Variants in MCTP1 observed in about 807,000 individuals in gnomAD.
The protein encoded by MCTP1 is multiple C2 and transmembrane domain containing 1, also known as multiple C2 and transmembrane domain-containing protein 1.
A neutral mutation model predicts 120.6 loss-of-function variants in MCTP1; 69 were observed. That is an observed-to-expected ratio of 0.57 (90% CI 0.47 to 0.70). The LOEUF is 0.70. Ranked by LOEUF, MCTP1 falls within the 30% of genes least tolerant of loss-of-function variation. The probability of loss-of-function intolerance (pLI) is 0.00; values close to 1 mark genes in which losing one functional copy is unlikely to be tolerated. For synonymous variants in MCTP1, 529 were observed against 493.1 expected (o/e 1.07, Z -0.96); for missense variants, 1,203 against 1,248.8 (o/e 0.96, Z 0.55).
intron 1 of MCTP1, among the ~76,000 whole-genome samples, chr5:95,180,092 A>C (rs1455955846): frequency 6.6e-6 from 1 of 152,244 alleles, no homozygotes; most frequent in Non-Finnish European, 1.5e-5. Context: ...CAACAGGAAA[A>C]TATCACAATC....
intron 1 of MCTP1, among the ~76,000 whole-genome samples, chr5:95,115,031 G>A (rs973158798): frequency 6.6e-6 from 1 of 152,158 alleles, no homozygotes; most frequent in Non-Finnish European, 1.5e-5. Flanking sequence ...CATCAAGGAG[G>A]TACTTCTACA....
At chr5:94,910,678 AC>A (rs1349944792) in intron 9 of MCTP1, among the ~76,000 whole-genome samples, 1 of 152,046 alleles carries the variant, frequency 6.6e-6, no homozygotes, top group African/African-American at 2.4e-5. Flanking sequence ...AAAGAGCAGA[AC>A]TATAAAAATA....
intron 8 of MCTP1, 51 bp downstream of exon 8, chr5:94,917,845 C>T (rs775138799): frequency 6.8e-7 from 1 of 1,468,388 alleles, no homozygotes; most frequent in Non-Finnish European, 9.5e-7. Flanking sequence ...TCAGAAATCC[C>T]AGCTCATGCA....
intron 1 of MCTP1, among the ~76,000 whole-genome samples, chr5:95,121,277 CAAAAAAAA>C (rs34423597): frequency 5.4e-4 from 19 of 35,064 alleles, no homozygotes; most frequent in African/African-American, 2.4e-3. Flanking sequence ...GACTCCATCA[CAAAAAAAA>C]AAAAAAAAAA....
At chr5:95,180,571 T>C (rs762303493) in intron 1 of MCTP1, among the ~76,000 whole-genome samples, 1 of 152,186 alleles carries the variant, frequency 6.6e-6, no homozygotes, top group Admixed American at 6.5e-5. Context: ...AAACTTTCCC[T>C]GTCTATCTCA....
intron 1 of MCTP1, among the ~76,000 whole-genome samples, chr5:95,101,018 C>G (rs1283954271): frequency 6.6e-6 from 1 of 152,000 alleles, no homozygotes. Context: ...CGTTTTATGC[C>G]AGTGACAATG....
intron 1 of MCTP1, among the ~76,000 whole-genome samples, chr5:95,178,428 G>A (rs1562212606): frequency 6.6e-6 from 1 of 152,168 alleles, no homozygotes; most frequent in African/African-American, 2.4e-5. Flanking sequence ...TGTGTTCCTG[G>A]CTGAAGGCCA....
chr5:95,066,343 A>C (rs185604999), intron 1 of MCTP1, among the ~76,000 whole-genome samples: 132 of 152,344 alleles, frequency 8.7e-4, no homozygotes, highest in Non-Finnish European at 1.1e-3. Context: ...AAAAGACAAG[A>C]GATAACTAGT....
At chr5:95,110,585 G>A (rs1426095) in intron 1 of MCTP1, among the ~76,000 whole-genome samples, 38,147 of 151,868 alleles carry the variant, frequency 0.25, 5,273 homozygotes, top group African/African-American at 0.35. Flanking sequence ...TTTTTTATAC[G>A]CATTGCAAAA....
chr5:94,746,657 T>G (rs956351546), intron 19 of MCTP1, among the ~76,000 whole-genome samples: 3 of 152,256 alleles, frequency 2.0e-5, no homozygotes, highest in African/African-American at 4.8e-5. Flanking sequence ...CTCTTTAAAA[T>G]GAACTTAATT....
At chr5:95,001,583 A>T (rs187289507) in intron 2 of MCTP1, among the ~76,000 whole-genome samples, 12 of 152,310 alleles carry the variant, frequency 7.9e-5, no homozygotes, top group Non-Finnish European at 1.5e-4. Flanking sequence ...ACCAGCATAA[A>T]GGTGACTCTT....
In MCTP1 at chr5:95,061,408, G is replaced by GTTGTTTTTTTTTTTTTTTTTTTTTT. The variant is rs1749067994; in HGVS notation, c.721-43925_721-43924insAAAAAAAAAAAAAAAAAAAAAACAA. 1.5e-4 allele frequency among the ~76,000 whole-genome samples: 5 copies of GTTGTTTTTTTTTTTTTTTTTTTTTT among 33,488 alleles called. 1 individual carries two copies. Among genetic ancestry groups the GTTGTTTTTTTTTTTTTTTTTTTTTT allele is most frequent in the African/African-American group, 2.0e-4 (2 of 10,190 alleles). 22.0% of individuals were successfully genotyped at this position (33,488 alleles called of 152,430 possible). A position where few individuals can be genotyped will look rare whatever the true frequency, so the allele number is the denominator to read the frequency against. ...ATCAATTTTCACAAACCCCTTAAGGGTTTTTTTTTTTTTTTTTTTTTTTTT... is the reference window on the plus strand; with the variant it reads ...ATCAATTTTCACAAACCCCTTAAGGGTTGTTTTTTTTTTTTTTTTTTTTTTTTTTTTTTTTTTTTTTTTTTTTTTT... On this transcript the variant is annotated intron_variant, in intron 1 of 22. Coordinates refer to ENST00000515393, the MANE Select transcript of MCTP1 (RefSeq NM_024717.7).
intron 2 of MCTP1, among the ~76,000 whole-genome samples, chr5:95,001,472 TAG>T (rs923192276): frequency 3.3e-5 from 5 of 152,182 alleles, no homozygotes; most frequent in Non-Finnish European, 7.4e-5. Context: ...TGGAACTTCC[TAG>T]AGACTTGCTG....
intron 1 of MCTP1, among the ~76,000 whole-genome samples, chr5:95,070,905 G>T (rs2076612108): frequency 6.6e-6 from 1 of 152,146 alleles, no homozygotes; most frequent in African/African-American, 2.4e-5. Context: ...GGAGAGTTGG[G>T]AGAAGAGTCT....
At chr5:95,223,272 C>A (rs190665056) in intron 1 of MCTP1, among the ~76,000 whole-genome samples, 1 of 152,004 alleles carries the variant, frequency 6.6e-6, no homozygotes, top group African/African-American at 2.4e-5. Context: ...AGCAACATGG[C>A]AAAACCCCAT....
chr5:95,127,174 G>T (rs1021303965), intron 1 of MCTP1, among the ~76,000 whole-genome samples: 1 of 151,914 alleles, frequency 6.6e-6, no homozygotes, highest in Non-Finnish European at 1.5e-5. Flanking sequence ...ATTCTTGAAG[G>T]GTCCGTGACC....
intron 21 of MCTP1, chr5:94,710,614 G>T: frequency 2.0e-6 from 1 of 493,102 alleles, no homozygotes. Flanking sequence ...ATGAAGCCTA[G>T]TGTGCCAGAT....
rs980048664 is a variant in MCTP1 at position 94,869,925 on chromosome 5, T to C, written c.2316+492A>G. Among the ~76,000 whole-genome samples the C allele has an allele frequency of 2.0e-5, 3 of 152,212 alleles. No homozygotes were observed. In the East Asian group the frequency reaches 5.8e-4, roughly 29 times the overall value. On this transcript the variant is annotated intron_variant, in intron 16 of 22. Transcript: ENST00000515393. Reference sequence around the variant, plus strand: ...TGAAAGATCATAGTTAAAATCTAATTAGCAGGAAGGTTTCCCTTAGAAGAT... The same window carrying C: ...TGAAAGATCATAGTTAAAATCTAATCAGCAGGAAGGTTTCCCTTAGAAGAT...
intron 18 of MCTP1, among the ~76,000 whole-genome samples, chr5:94,786,794 T>C (rs767091629): frequency 1.3e-4 from 20 of 152,220 alleles, no homozygotes; most frequent in Non-Finnish European, 2.2e-4. Flanking sequence ...TGGCAAATTA[T>C]GAAGAGCAGG....
Sources: allele counts gnomAD v4.1 joint callset (sites outside exome capture counted in the v4.1 genomes callset), GRCh38; gene constraint gnomAD v4.1.1; transcripts MANE v1.5; gene names NCBI Gene and HGNC (gene_info 2026-07-23, HGNC 2026-07-21).